The following MCC variants were observed in gnomAD, a reference collection of about 807,000 sequenced individuals.
MCC encodes the protein MCC regulator of Wnt signaling pathway, also known as colorectal mutant cancer protein.
MCC carries 90 observed loss-of-function variants against 116.2 expected under a neutral mutation model. That is an observed-to-expected ratio of 0.77 (90% CI 0.65 to 0.92). MCC has a LOEUF of 0.92. MCC is among the 40% of genes least tolerant of loss of function. The pLI, the probability that MCC is intolerant of heterozygous loss-of-function variation, is 0.00. For missense variants in MCC, 1,516 were observed against 1,312.2 expected (o/e 1.16, Z -2.40); for synonymous variants, 578 against 510.5 (o/e 1.13, Z -1.78).
intron 1 of MCC, among the ~76,000 whole-genome samples, chr5:113,448,663 G>A (rs549900287): frequency 4.6e-5 from 7 of 152,184 alleles, no homozygotes; most frequent in South Asian, 4.2e-4. Flanking sequence ...TGCCTTGATC[G>A]TAGGAATAAG....
intron 3 of MCC, among the ~76,000 whole-genome samples, chr5:113,199,752 C>T (rs1045299517): frequency 5.9e-5 from 9 of 152,130 alleles, no homozygotes; most frequent in African/African-American, 1.9e-4. Context: ...GTAAATGAGG[C>T]CAAGGAGAGA....
chr5:113,345,218 G>A (rs1768104569), intron 2 of MCC, among the ~76,000 whole-genome samples: 1 of 152,152 alleles, frequency 6.6e-6, no homozygotes, highest in Non-Finnish European at 1.5e-5. Context: ...TTGTCTTGTG[G>A]TTTGAGGGCC....
chr5:113,376,132 G>C (rs1768975228), intron 2 of MCC, among the ~76,000 whole-genome samples: 1 of 152,120 alleles, frequency 6.6e-6, no homozygotes, highest in Admixed American at 6.5e-5. Flanking sequence ...TCATTACTTG[G>C]ACTGATTTTC....
intron 2 of MCC, among the ~76,000 whole-genome samples, chr5:113,363,410 G>C (rs1768599881): frequency 6.6e-6 from 1 of 152,310 alleles, no homozygotes; most frequent in Admixed American, 6.5e-5. Flanking sequence ...TTCTGGGGAG[G>C]CCTCAGTAAA....
chr5:113,221,442 C>G (rs1298124708), intron 3 of MCC, among the ~76,000 whole-genome samples: 2 of 152,204 alleles, frequency 1.3e-5, no homozygotes, highest in Non-Finnish European at 2.9e-5. Flanking sequence ...ACAGCCCTTT[C>G]CCAAAACAAT....
chr5:113,358,858 T>C (rs1768476017), intron 2 of MCC, among the ~76,000 whole-genome samples: 1 of 152,190 alleles, frequency 6.6e-6, no homozygotes, highest in Admixed American at 6.5e-5. Flanking sequence ...TTAATGTCAA[T>C]GCTTGGTATG....
intron 2 of MCC, among the ~76,000 whole-genome samples, chr5:113,363,255 G>A (rs760203983): frequency 9.9e-5 from 15 of 152,120 alleles, no homozygotes; most frequent in South Asian, 4.1e-4. Context: ...CTAGCCTGGC[G>A]ACAGAGCGAG....
intron 3 of MCC, among the ~76,000 whole-genome samples, chr5:113,275,501 A>G (rs1253267149): frequency 6.6e-6 from 1 of 152,210 alleles, no homozygotes; most frequent in Non-Finnish European, 1.5e-5. Context: ...GTGATTAAAA[A>G]GGACTCCACT....
chr5:113,390,502 G>A (rs931001094), intron 1 of MCC, among the ~76,000 whole-genome samples: 2 of 152,084 alleles, frequency 1.3e-5, no homozygotes, highest in African/African-American at 4.8e-5. Flanking sequence ...AAAACTGCAT[G>A]GTTTCACAAT....
At position 113,488,370 on chromosome 5, in the gene MCC, G is replaced by T; in HGVS notation, c.45C>A (p.Ser15Arg). ...TGCCGCTGCCGCCGCCGCCGCCGCC[G>T]CTGCTGGAGCTCCCCGCAGCCGCTG... is the stretch of plus-strand genomic sequence containing the variant. ...AAAAAAGSSS[S>R]GGGGGGSGSS... The change falls in exon 1 of 19, where the codon AGC becomes AGA. Residue 15 changes from serine (S) to arginine (R), a missense_variant. By Grantham distance (110) the Ser-to-Arg change is moderately radical. Transcript: ENST00000408903. 1 of 1,508,354 alleles carries T rather than the reference G, an allele frequency of 6.6e-7. No homozygotes were observed. The allele number at this position is 1,508,354 out of a possible 1,614,324, so 93.4% of individuals were successfully genotyped here.
rs1581163935 is a variant in MCC at position 113,151,251 on chromosome 5, G to C, written c.741+58C>G. 14 of 1,017,442 alleles carry C rather than the reference G, an allele frequency of 1.4e-5. No individual in the cohort carries two copies. In the East Asian group the frequency reaches 3.5e-4, roughly 26 times the overall value. 63.0% of individuals were successfully genotyped at this position (1,017,442 alleles called of 1,614,324 possible). On this transcript the variant is annotated intron_variant, in intron 4 of 18. Coordinates refer to ENST00000408903, the MANE Select transcript of MCC (RefSeq NM_001085377.2). The stretch of plus-strand genomic sequence containing the variant: ...TTTCTGTACTCATGTTTTATCTTAA[G>C]ATTAAATATTTAAAACAAAAAACAA...
At chr5:113,030,515 C>CA (rs1247206490) in intron 17 of MCC, among the ~76,000 whole-genome samples, 1 of 151,936 alleles carries the variant, frequency 6.6e-6, no homozygotes, top group Non-Finnish European at 1.5e-5. Flanking sequence ...CCCATCTCTA[C>CA]AAAAAAATAT....
chr5:113,034,952 C>T (rs1751232531), intron 17 of MCC, among the ~76,000 whole-genome samples: 2 of 152,226 alleles, frequency 1.3e-5, no homozygotes, highest in African/African-American at 2.4e-5. Context: ...GGACTTGGGC[C>T]TGGCCTGTAT....
chr5:113,301,903 T>C (rs966326186), intron 3 of MCC, among the ~76,000 whole-genome samples: 4 of 152,246 alleles, frequency 2.6e-5, no homozygotes, highest in African/African-American at 9.6e-5. Context: ...CACATTTCAC[T>C]GTGTGCATGA....
chr5:113,445,645 T>C (rs1164869306), intron 1 of MCC, among the ~76,000 whole-genome samples: 2 of 152,142 alleles, frequency 1.3e-5, no homozygotes, highest in African/African-American at 4.8e-5. Flanking sequence ...AAAATCGGTA[T>C]TGTTAAAATG....
In MCC at chr5:113,426,241, G is replaced by A. The variant is rs1032633395; in HGVS notation, c.171-41029C>T. ...CCCTCTGGCCTGAGATAAGGATCAC[G>A]CTCAGGTTGAGGCTGGCAGATGAGG... On this transcript the variant is annotated intron_variant, in intron 1 of 18. Transcript: ENST00000408903. Among the ~76,000 whole-genome samples, 14 of 152,166 alleles carry A rather than the reference G, an allele frequency of 9.2e-5. No individual in the cohort carries two copies. The East Asian group carries it at 2.1e-3, about 23-fold the overall frequency.
chr5:113,446,934 C>T (rs1485778052), intron 1 of MCC, among the ~76,000 whole-genome samples: 3 of 151,990 alleles, frequency 2.0e-5, no homozygotes, highest in Non-Finnish European at 4.4e-5. Context: ...CACATGTACC[C>T]CCTGAATCTA....
chr5:113,082,250 G>C (rs80116475), intron 11 of MCC, among the ~76,000 whole-genome samples: 2,188 of 152,372 alleles, frequency 0.014, 61 homozygotes, highest in African/African-American at 0.05. Flanking sequence ...AGTTAGGATA[G>C]GATGTAGGGA....
chr5:113,053,560 A>G (rs1226362405), intron 15 of MCC, among the ~76,000 whole-genome samples, 165 bp downstream of exon 15: 1 of 152,182 alleles, frequency 6.6e-6, no homozygotes, highest in Non-Finnish European at 1.5e-5. Flanking sequence ...ACGCAGCCCA[A>G]GTGACCCCCA....
Sources: allele counts gnomAD v4.1 joint callset (sites outside exome capture counted in the v4.1 genomes callset), GRCh38; gene constraint gnomAD v4.1.1; transcripts MANE v1.5; gene names NCBI Gene and HGNC (gene_info 2026-07-23, HGNC 2026-07-21).